Variants in SLC45A4 observed in about 807,000 individuals in gnomAD.
The protein encoded by SLC45A4 is polyamine-transporter SLC45A4.
A neutral mutation model predicts 63.7 loss-of-function variants in SLC45A4; 32 were observed. The ratio of observed to expected loss-of-function variants is 0.50; its 90% CI spans 0.38 to 0.67. SLC45A4 has a LOEUF of 0.67. Among genes scored for constraint, SLC45A4 ranks in the 30% least tolerant of loss-of-function variants. SLC45A4 has a pLI of 0.00. For missense variants in SLC45A4, 1,027 were observed against 1,157.7 expected (o/e 0.89, Z 1.64); for synonymous variants, 535 against 510.0 (o/e 1.05, Z -0.66).
At chr8:141,247,481 A>G (rs1291163271) in intron 2 of SLC45A4, among the ~76,000 whole-genome samples, 1 of 152,256 alleles carries the variant, frequency 6.6e-6, no homozygotes, top group Non-Finnish European at 1.5e-5. Flanking sequence ...CTATAGATTC[A>G]ATGCAATTCC....
intron 2 of SLC45A4, among the ~76,000 whole-genome samples, chr8:141,238,810 G>T (rs1259954284): frequency 6.6e-6 from 1 of 152,146 alleles, no homozygotes; most frequent in Non-Finnish European, 1.5e-5. Context: ...CAGTACAGCT[G>T]CCAGGGGGCC....
At chr8:141,258,060 CTTTTTTT>C (rs3072057) in intron 1 of SLC45A4, among the ~76,000 whole-genome samples, 4 of 123,324 alleles carry the variant, frequency 3.2e-5, no homozygotes, top group Non-Finnish European at 4.9e-5. Flanking sequence ...TTTCTTCTTC[CTTTTTTT>C]TTTTTTTTTT....
intron 1 of SLC45A4, among the ~76,000 whole-genome samples, chr8:141,258,505 G>A (rs1165017344): frequency 2.0e-5 from 3 of 152,210 alleles, no homozygotes; most frequent in Non-Finnish European, 4.4e-5. Flanking sequence ...ATGGAGCATG[G>A]ACTCCAACCT....
At position 141,227,731 on chromosome 8, in the gene SLC45A4, C is replaced by A. The variant is rs559503624; in HGVS notation, c.242-5966G>T. 6.6e-6 allele frequency among the ~76,000 whole-genome samples: 1 copy of A among 152,342 alleles called. No homozygotes were observed. Among genetic ancestry groups the A allele is most frequent in the African/African-American group, 2.4e-5 (1 of 41,578 alleles). On this transcript the variant is annotated intron_variant, in intron 2 of 8. Transcript: ENST00000517878. The surrounding 1 kb of genome is among the most constrained non-coding windows in gnomAD (Gnocchi z 4.4). ...AGCTGCAAGGAATGTTCCAGAACCA[C>A]TACAGCCACAGGAAGATAGGGAGGG...
chr8:141,213,504 G>A (rs1473471649), intron 7 of SLC45A4, among the ~76,000 whole-genome samples: 3 of 152,168 alleles, frequency 2.0e-5, no homozygotes, highest in Non-Finnish European at 4.4e-5. Flanking sequence ...AATAGAAATC[G>A]TAATGAAAAT....
rs1829795870 is a variant in SLC45A4, at chr8:141,278,011, C to G, written c.-400-23382G>C. ...GTGACCTCAAATTCCTGGGCTCAAG[C>G]AATCCTCCGGCCTCAGCCTCCCAAG... On this transcript the variant is annotated intron_variant, in intron 1 of 8. Coordinates refer to ENST00000517878, the MANE Select transcript of SLC45A4 (RefSeq NM_001286646.2). The surrounding 1 kb of genome is among the most constrained non-coding windows in gnomAD (Gnocchi z 4.1). Among the ~76,000 whole-genome samples the G allele has an allele frequency of 6.6e-6, 1 of 152,220 alleles. No individual in the cohort carries two copies. The highest frequency in any genetic ancestry group is 1.5e-5 in the Non-Finnish European group (1 of 68,046).
rs564016568 is a variant in SLC45A4, at chr8:141,301,734, C to CAAAAAAAA, written c.-401+6354_-401+6361dup. Among the ~76,000 whole-genome samples, 347 of 39,580 alleles carry CAAAAAAAA rather than the reference C, an allele frequency of 8.8e-3. 45 individuals are homozygous for CAAAAAAAA. Among genetic ancestry groups the CAAAAAAAA allele is most frequent in the Non-Finnish European group, 0.013 (262 of 19,948 alleles). The allele number at this position is 39,580 out of a possible 152,430, so 26.0% of individuals were successfully genotyped here. A position where few individuals can be genotyped will look rare whatever the true frequency, so the allele number is the denominator to read the frequency against. Reference sequence around the variant, plus strand: ...TGGGGGACAGAATGAGACCCTATCTCAAAAAAAAAAAAAAAAAAAAAAAAA... The same window carrying CAAAAAAAA: ...TGGGGGACAGAATGAGACCCTATCTCAAAAAAAAAAAAAAAAAAAAAAAAAAAAAAAAA... On this transcript the variant is annotated intron_variant, in intron 1 of 8. Transcript: ENST00000517878.
rs943527779 is a variant in SLC45A4, at chr8:141,278,484, G to C, written c.-400-23855C>G. On this transcript the variant is annotated intron_variant, in intron 1 of 8. Transcript: ENST00000517878. The surrounding 1 kb of genome is among the most constrained non-coding windows in gnomAD (Gnocchi z 4.1). ...AACCCACGAGGACACTGGCGGGACA[G>C]GGGTGAGCACCTGTGGTGGAGGCGG... 1 of 150,568 alleles carries C rather than the reference G, an allele frequency of 6.6e-6. No individual in the cohort carries two copies. The highest frequency in any genetic ancestry group is 6.6e-5 in the Admixed American group (1 of 15,214). The allele number at this position is 150,568 out of a possible 1,614,324, so 9.3% of individuals were successfully genotyped here.
In SLC45A4 at chr8:141,308,132, C is replaced by CGGCCG. The variant is rs1262795259; in HGVS notation, c.-442_-438dup. 4.8e-5 allele frequency: 7 copies of CGGCCG among 144,972 alleles called. No individual in the cohort carries two copies. The highest frequency in any genetic ancestry group is 1.8e-4 in the South Asian group (1 of 5,476). The allele number at this position is 144,972 out of a possible 1,614,324, so 9.0% of individuals were successfully genotyped here. Reference sequence around the variant, plus strand: ...GGCCGGGGCCGCGGGGGCGGCGGGGCGGCCGGGCCGGGCCGGGCAGGGGCT... The same window carrying CGGCCG: ...GGCCGGGGCCGCGGGGGCGGCGGGGCGGCCGGGCCGGGCCGGGCCGGGCAGGGGCT... On this transcript the variant is annotated 5_prime_UTR_variant, in exon 1 of 9. Transcript: ENST00000517878.
At chr8:141,279,797 A>T (rs1241564213) in intron 1 of SLC45A4, among the ~76,000 whole-genome samples, 1 of 152,284 alleles carries the variant, frequency 6.6e-6, no homozygotes, top group Non-Finnish European at 1.5e-5. Context: ...AAAGGCTGCA[A>T]GTCCAAACAC....
At chr8:141,288,387 T>C (rs1488873678) in intron 1 of SLC45A4, among the ~76,000 whole-genome samples, 1 of 152,128 alleles carries the variant, frequency 6.6e-6, no homozygotes, top group Non-Finnish European at 1.5e-5. Flanking sequence ...GAAATGCAAA[T>C]TGCAAGCGCA....
chr8:141,289,974 G>C (rs1830285917), intron 1 of SLC45A4, among the ~76,000 whole-genome samples: 1 of 152,076 alleles, frequency 6.6e-6, no homozygotes, highest in African/African-American at 2.4e-5. Flanking sequence ...CCTCAGCAGG[G>C]AAAATGAGCT....
rs139874236 is a variant in SLC45A4 at position 141,215,932 on chromosome 8, C to T, written c.1768G>A (p.Val590Ile). Reference sequence around the variant, plus strand: ...GTCCCCAGCACGTAGATCACCCTGACGCTCAGGTCGTAGTTGTCCAAGTAC... The same window carrying T: ...GTCCCCAGCACGTAGATCACCCTGATGCTCAGGTCGTAGTTGTCCAAGTAC... ...QKYLDNYDLS[V>I]RVIYVLGTLG... Residue 590 changes from valine to isoleucine, a missense_variant, in exon 7 of 9, where the codon GTC becomes ATC. Val to Ile is a conservative substitution (Grantham distance 29, BLOSUM62 3). Transcript: ENST00000517878. The surrounding 1 kb of genome is among the most constrained non-coding windows in gnomAD (Gnocchi z 4.3). 37 of 1,613,944 alleles carry T rather than the reference C, an allele frequency of 2.3e-5. No individual in the cohort carries two copies. The highest frequency in any genetic ancestry group is 1.1e-4 in the African/African-American group (8 of 74,920).
chr8:141,254,719 T>C lies in SLC45A4; in HGVS notation c.-400-90A>G, dbSNP rs1001334085. On this transcript the variant is annotated intron_variant, in intron 1 of 8. Transcript: ENST00000517878. The surrounding 1 kb of genome is among the most constrained non-coding windows in gnomAD (Gnocchi z 4.5). ...CGCCGCCCGACCCCCGAGCAAGCCG[T>C]GTGCCCCGAGGGCCCGACCCAAGAT... is the stretch of plus-strand genomic sequence containing the variant. 2.3e-5 allele frequency: 16 copies of C among 688,416 alleles called. No homozygotes were observed. Among genetic ancestry groups the C allele is most frequent in the African/African-American group, 5.3e-5 (3 of 56,970 alleles). The allele number at this position is 688,416 out of a possible 1,614,324, so 42.6% of individuals were successfully genotyped here. A position where few individuals can be genotyped will look rare whatever the true frequency, so the allele number is the denominator to read the frequency against.
intron 1 of SLC45A4, among the ~76,000 whole-genome samples, chr8:141,269,475 T>C (rs968436342): frequency 1.3e-5 from 2 of 150,752 alleles, no homozygotes; most frequent in Non-Finnish European, 3.0e-5. Context: ...TGTGTGTGTG[T>C]GTGTGTGTGT....
chr8:141,242,723 C>A (rs1827973748), intron 2 of SLC45A4, among the ~76,000 whole-genome samples: 1 of 152,328 alleles, frequency 6.6e-6, no homozygotes, highest in South Asian at 2.1e-4. Context: ...TCACAGGCTG[C>A]TGGGAAGAGA....
chr8:141,268,607 T>C (rs577815155), intron 1 of SLC45A4, among the ~76,000 whole-genome samples: 4 of 152,328 alleles, frequency 2.6e-5, no homozygotes, highest in African/African-American at 9.6e-5. Context: ...AAAACTGCTC[T>C]AGAAAGTAGT....
intron 2 of SLC45A4, among the ~76,000 whole-genome samples, chr8:141,242,329 T>G (rs753524602): frequency 6.6e-6 from 1 of 152,228 alleles, no homozygotes; most frequent in Non-Finnish European, 1.5e-5. Context: ...ATCACCGTGA[T>G]TTTTAAATTT....
Position 141,219,001 on chromosome 8 carries a change from C to T in SLC45A4, c.639G>A (p.Leu213=). The change falls in exon 5 of 9, where the codon CTG becomes CTA. Residue 213 remains leucine (L), a synonymous_variant. Transcript: ENST00000517878. ...AGLGGAIGYV[L]GGLDWTQTFL... is the part of the protein sequence containing the mutation. ...AGGTCTGGGTCCAGTCCAGCCCACC[C>T]AGCACGTAGCCGATGGCTCCGCCGA... 6.2e-7 allele frequency: 1 copy of T among 1,612,456 alleles called. No individual in the cohort carries two copies. Among genetic ancestry groups the T allele is most frequent in the South Asian group, 1.1e-5 (1 of 91,044 alleles).
Sources: allele counts gnomAD v4.1 joint callset (sites outside exome capture counted in the v4.1 genomes callset), GRCh38; gene constraint gnomAD v4.1.1; non-coding constraint Gnocchi (gnomAD v3.1); transcripts MANE v1.5; gene names NCBI Gene and HGNC (gene_info 2026-07-23, HGNC 2026-07-21).